LOXHD1: variants seen among roughly 807,000 people sequenced by gnomAD.
The protein encoded by LOXHD1 is lipoxygenase homology PLAT domains 1.
In LOXHD1, 205 loss-of-function variants were observed where a neutral mutation model predicts 248.2. That is an observed-to-expected ratio of 0.83 (90% CI 0.74 to 0.93). The LOEUF (loss-of-function observed/expected upper bound fraction) is 0.93. Ranked by LOEUF, LOXHD1 falls within the 40% of genes least tolerant of loss-of-function variation. LOXHD1 has a pLI of 0.00. For missense variants in LOXHD1, 2,930 were observed against 2,971.6 expected (o/e 0.99, Z 0.33); for synonymous variants, 1,113 against 1,162.8 (o/e 0.96, Z 0.87).
Position 46,542,793 on chromosome 18 carries a change from T to C in LOXHD1, c.3682A>G (p.Ile1228Val). 1 of 1,551,654 alleles carries C rather than the reference T, an allele frequency of 6.4e-7. No homozygotes were observed. The highest frequency in any genetic ancestry group is 2.4e-5 in the East Asian group (1 of 40,912). ...AGATCCAGCGTCTCCACCGTGAAGA[T>C]TTCAATGCTGTCCCTCTCAAACTTA... ...SDKFERDSIE[I>V]FTVETLDLGD... is the part of the protein sequence containing the mutation. The change falls in exon 24 of 41, where the codon ATC becomes GTC. Residue 1228 changes from isoleucine to valine, a missense_variant. Coordinates refer to ENST00000642948, the MANE Select transcript of LOXHD1 (RefSeq NM_001384474.1).
chr18:46,550,579 C>CAA (rs754046200), intron 21 of LOXHD1, among the ~76,000 whole-genome samples: 75 of 45,218 alleles, frequency 1.7e-3, no homozygotes, highest in South Asian at 2.6e-3. Context: ...GACTCCGTCT[C>CAA]AAAAAAAAAA....
chr18:46,594,666 C>T (rs1165177015), intron 8 of LOXHD1, among the ~76,000 whole-genome samples, 200 bp from the exon 9 acceptor site: 1 of 152,198 alleles, frequency 6.6e-6, no homozygotes, highest in South Asian at 2.1e-4. Flanking sequence ...GTAGGTATCA[C>T]CCATCTTCCA....
At chr18:46,486,610 T>G (rs2033072542) in intron 38 of LOXHD1, among the ~76,000 whole-genome samples, 1 of 151,552 alleles carries the variant, frequency 6.6e-6, no homozygotes, top group Non-Finnish European at 1.5e-5. Flanking sequence ...CCATGGGAGG[T>G]GATGGTCTAT....
chr18:46,559,485 T>C lies in LOXHD1; in HGVS notation c.3179A>G (p.Lys1060Arg). Residue 1060 changes from lysine to arginine, a missense_variant, in exon 20 of 41, where the codon AAG becomes AGG. By Grantham distance (26) the Lys-to-Arg change is conservative. Transcript: ENST00000642948. Reference protein sequence around the residue: ...EYGDTGERPLKKSDKSNKFEQ... With the variant: ...EYGDTGERPLRKSDKSNKFEQ... ...AAATTTGTTGGACTTGTCTGACTTC[T>C]TCAGGGGTCGTTCGCCCGTGTCTCC... 1 of 1,552,070 alleles carries C rather than the reference T, an allele frequency of 6.4e-7. No individual in the cohort carries two copies. The highest frequency in any genetic ancestry group is 8.7e-7 in the Non-Finnish European group (1 of 1,147,072).
intron 5 of LOXHD1, among the ~76,000 whole-genome samples, chr18:46,616,162 A>G (rs951902971): frequency 6.6e-6 from 1 of 152,134 alleles, no homozygotes; most frequent in Non-Finnish European, 1.5e-5. Context: ...CTATTTATTA[A>G]TACATTTGTT....
At chr18:46,573,483 C>G (rs1164161419) in intron 14 of LOXHD1, among the ~76,000 whole-genome samples, 1 of 152,202 alleles carries the variant, frequency 6.6e-6, no homozygotes, top group Non-Finnish European at 1.5e-5. Context: ...ACATTTGTCT[C>G]TCAACCAAAC....
At chr18:46,522,358 G>A (rs1409282975) in intron 31 of LOXHD1, 49 bp from the exon 32 acceptor site, 6 of 1,462,380 alleles carry the variant, frequency 4.1e-6, no homozygotes, top group Admixed American at 4.0e-5. Context: ...GATAGACAAG[G>A]CACTGCCTCA....
intron 4 of LOXHD1, among the ~76,000 whole-genome samples, chr18:46,638,047 A>G (rs2038914693): frequency 6.6e-6 from 1 of 152,186 alleles, no homozygotes; most frequent in Non-Finnish European, 1.5e-5. Flanking sequence ...AAATGATGGT[A>G]TCTCCATGCT....
intron 34 of LOXHD1, 137 bp downstream of exon 34, chr18:46,517,991 GA>G: frequency 9.2e-7 from 1 of 1,087,844 alleles, no homozygotes; most frequent in South Asian, 1.5e-5. Context: ...TACTGAGACA[GA>G]ATAGACAAAG....
At position 46,656,934 on chromosome 18, in the gene LOXHD1, C is replaced by T; in HGVS notation, c.100G>A (p.Glu34Lys). Residue 34 changes from glutamate (E) to lysine (K), a missense_variant, in exon 1 of 41, where the codon GAG becomes AAG. Physicochemically the swap from Glu to Lys is moderately conservative, Grantham distance 56. Coordinates refer to ENST00000642948, the MANE Select transcript of LOXHD1 (RefSeq NM_001384474.1). ...LNYASEDDEGELEHEYYKARV... is the reference protein window; with the variant it reads ...LNYASEDDEGKLEHEYYKARV... ...GCCTTGTAGTACTCGTGTTCCAGCT[C>T]CCCCTCGTCGTCCTCCGAGGCGTAG... 2 of 1,551,582 alleles carry T rather than the reference C, an allele frequency of 1.3e-6. No individual in the cohort carries two copies. The highest frequency in any genetic ancestry group is 2.4e-5 in the South Asian group (2 of 84,064).
chr18:46,541,656 C>T (rs2036563806), intron 25 of LOXHD1, 120 bp downstream of exon 25: 1 of 1,189,238 alleles, frequency 8.4e-7, no homozygotes, highest in South Asian at 1.4e-5. Context: ...GGATGAAAGA[C>T]CAAAATCTTC....
chr18:46,592,726 T>C, intron 10 of LOXHD1, 142 bp from the exon 11 acceptor site: 1 of 694,714 alleles, frequency 1.4e-6, no homozygotes, highest in Non-Finnish European at 2.5e-6. Context: ...CAAGCCACCC[T>C]CACATATTTT....
chr18:46,642,582 C>T (rs1463194755), intron 2 of LOXHD1, among the ~76,000 whole-genome samples: 1 of 152,204 alleles, frequency 6.6e-6, no homozygotes, highest in African/African-American at 2.4e-5. Flanking sequence ...AAACCAACAG[C>T]CAGGGAAGTA....
chr18:46,609,899 C>T (rs1175639581), intron 6 of LOXHD1, among the ~76,000 whole-genome samples: 6 of 152,178 alleles, frequency 3.9e-5, no homozygotes, highest in South Asian at 2.1e-4. Context: ...GCCAGGGACA[C>T]GAGCTTTCTT....
rs1599069247 is a variant in LOXHD1, at chr18:46,639,848, G to T, written c.327-48C>A. ...CACCATCACTGGCAGAACTGAAACA[G>T]CACCCCTTCCATACTGGAATACCCA... On this transcript the variant is annotated intron_variant, in intron 3 of 40. Coordinates refer to ENST00000642948, the MANE Select transcript of LOXHD1 (RefSeq NM_001384474.1). 5 of 1,545,510 alleles carry T rather than the reference G, an allele frequency of 3.2e-6. No homozygotes were observed. The African/African-American group carries it at 4.1e-5, about 13-fold the overall frequency.
chr18:46,516,822 C>T (rs2035278079), intron 34 of LOXHD1, among the ~76,000 whole-genome samples: 1 of 151,930 alleles, frequency 6.6e-6, no homozygotes, highest in South Asian at 2.1e-4. Context: ...CCATCATCAT[C>T]ATCATCCCTA....
At chr18:46,628,926 T>C (rs886428749) in intron 4 of LOXHD1, among the ~76,000 whole-genome samples, 2 of 152,180 alleles carry the variant, frequency 1.3e-5, no homozygotes, top group Admixed American at 6.5e-5. Flanking sequence ...ATGGCAGAGC[T>C]AGCTTTTGAC....
chr18:46,564,842 GAC>G (rs955360758), intron 17 of LOXHD1, among the ~76,000 whole-genome samples: 2 of 152,162 alleles, frequency 1.3e-5, no homozygotes, highest in Non-Finnish European at 2.9e-5. Context: ...CTTCAGATTA[GAC>G]ACACACACGA....
intron 27 of LOXHD1, 73 bp from the exon 28 acceptor site, chr18:46,533,397 A>G: frequency 6.7e-7 from 1 of 1,501,248 alleles, no homozygotes; most frequent in South Asian, 1.2e-5. Flanking sequence ...CATCAGCTCA[A>G]TACTCATGGA....
Sources: allele counts gnomAD v4.1 joint callset (sites outside exome capture counted in the v4.1 genomes callset), GRCh38; gene constraint gnomAD v4.1.1; transcripts MANE v1.5; gene names NCBI Gene and HGNC (gene_info 2026-07-23, HGNC 2026-07-21).